PIP4K2A: variants seen among roughly 807,000 people sequenced by gnomAD.
PIP4K2A encodes phosphatidylinositol-5-phosphate 4-kinase type 2 alpha, also known as phosphatidylinositol 5-phosphate 4-kinase type-2 alpha.
PIP4K2A carries 14 observed loss-of-function variants against 42.9 expected under a neutral mutation model. That is an observed-to-expected ratio of 0.33 (90% CI 0.22 to 0.51). The LOEUF is 0.51. Among genes scored for constraint, PIP4K2A ranks in the 20% least tolerant of loss-of-function variants. The pLI, the probability that PIP4K2A is intolerant of heterozygous loss-of-function variation, is 0.97. For synonymous variants in PIP4K2A, 192 were observed against 192.2 expected (o/e 1.00, Z 0.01); for missense variants, 434 against 519.8 (o/e 0.83, Z 1.61).
At chr10:22,683,101 C>A (rs924880611) in intron 1 of PIP4K2A, among the ~76,000 whole-genome samples, 3 of 151,820 alleles carry the variant, frequency 2.0e-5, no homozygotes, top group Non-Finnish European at 2.9e-5. Flanking sequence ...ACAGCTGACA[C>A]GACAGTACAG....
chr10:22,689,392 C>T (rs952535383), intron 1 of PIP4K2A, among the ~76,000 whole-genome samples: 4 of 152,134 alleles, frequency 2.6e-5, no homozygotes, highest in Non-Finnish European at 5.9e-5. Flanking sequence ...GTTCCGCATC[C>T]GATGGAAAAT....
At chr10:22,713,209 G>A (rs1314294941) in intron 1 of PIP4K2A, among the ~76,000 whole-genome samples, 2 of 152,198 alleles carry the variant, frequency 1.3e-5, no homozygotes, top group Admixed American at 1.3e-4. Flanking sequence ...AGATCAGCAG[G>A]AGGCTATTTC....
At chr10:22,675,913 T>C (rs1839548327) in intron 1 of PIP4K2A, among the ~76,000 whole-genome samples, 1 of 152,232 alleles carries the variant, frequency 6.6e-6, no homozygotes, top group African/African-American at 2.4e-5. Flanking sequence ...CATAATTTAT[T>C]GCACATTTCC....
intron 6 of PIP4K2A, among the ~76,000 whole-genome samples, chr10:22,566,689 C>G (rs1482259501): frequency 6.6e-6 from 1 of 151,794 alleles, no homozygotes; most frequent in Non-Finnish European, 1.5e-5. Context: ...CACTCTGACT[C>G]TCATGCCCTT....
intron 1 of PIP4K2A, among the ~76,000 whole-genome samples, chr10:22,638,071 A>C (rs140185069): frequency 6.6e-6 from 1 of 152,292 alleles, no homozygotes; most frequent in African/African-American, 2.4e-5. Flanking sequence ...CCCAGGACCA[A>C]AGAACACAGT....
At chr10:22,607,731 C>T (rs1053849165) in intron 3 of PIP4K2A, 196 bp downstream of exon 3, 1 of 387,012 alleles carries the variant, frequency 2.6e-6, no homozygotes, top group Non-Finnish European at 4.7e-6. Flanking sequence ...GACTTTTATA[C>T]CGGTATCATA....
At chr10:22,555,835 GGAA>G (rs1394285637) in intron 6 of PIP4K2A, among the ~76,000 whole-genome samples, 3 of 151,414 alleles carry the variant, frequency 2.0e-5, no homozygotes, top group African/African-American at 2.4e-5. Flanking sequence ...GGGCCACACT[GGAA>G]GAAGAATTGT....
At chr10:22,681,789 C>T (rs890070117) in intron 1 of PIP4K2A, among the ~76,000 whole-genome samples, 8 of 145,940 alleles carry the variant, frequency 5.5e-5, no homozygotes, top group Admixed American at 6.7e-5. Flanking sequence ...CAGAAACTGA[C>T]TAACTTTCCC....
chr10:22,618,834 G>C (rs1778355), intron 1 of PIP4K2A, among the ~76,000 whole-genome samples: 65,040 of 152,016 alleles, frequency 0.43, 15,050 homozygotes, highest in African/African-American at 0.6. Context: ...CAGAATACTT[G>C]AAAGTTGTGT....
chr10:22,558,035 A>G (rs1836595704), intron 6 of PIP4K2A, among the ~76,000 whole-genome samples: 1 of 152,190 alleles, frequency 6.6e-6, no homozygotes, highest in African/African-American at 2.4e-5. Flanking sequence ...TTTTTGTTTG[A>G]TATGCTCATT....
At chr10:22,681,086 C>T (rs1340318484) in intron 1 of PIP4K2A, among the ~76,000 whole-genome samples, 1 of 152,178 alleles carries the variant, frequency 6.6e-6, no homozygotes, top group African/African-American at 2.4e-5. Flanking sequence ...CCCAGTGACT[C>T]CCCTAGAAAT....
At chr10:22,687,416 A>C (rs1038410780) in intron 1 of PIP4K2A, among the ~76,000 whole-genome samples, 14 of 152,144 alleles carry the variant, frequency 9.2e-5, no homozygotes, top group Admixed American at 8.5e-4. Context: ...AAAATAGCAG[A>C]TACAGAGGAT....
At chr10:22,564,116 T>C (rs1836777859) in intron 6 of PIP4K2A, among the ~76,000 whole-genome samples, 2 of 152,218 alleles carry the variant, frequency 1.3e-5, no homozygotes, top group Non-Finnish European at 1.5e-5. Context: ...GTTCATGCCC[T>C]GGGTTTCTGG....
At chr10:22,701,670 G>A (rs538039945) in intron 1 of PIP4K2A, among the ~76,000 whole-genome samples, 1 of 152,292 alleles carries the variant, frequency 6.6e-6, no homozygotes, top group South Asian at 2.1e-4. Context: ...CTGCTGACAG[G>A]GTTATTCAGG....
At chr10:22,655,157 G>C (rs1386091816) in intron 1 of PIP4K2A, among the ~76,000 whole-genome samples, 1 of 152,216 alleles carries the variant, frequency 6.6e-6, no homozygotes, top group Non-Finnish European at 1.5e-5. Context: ...CATACACAAG[G>C]TAAATTGATA....
At chr10:22,622,258 C>G (rs1483520831) in intron 1 of PIP4K2A, among the ~76,000 whole-genome samples, 1 of 152,204 alleles carries the variant, frequency 6.6e-6, no homozygotes, top group Non-Finnish European at 1.5e-5. Flanking sequence ...GCCATGTGCT[C>G]CCAGATGCTG....
At chr10:22,539,480 TATTA>T (rs1348825797) in intron 9 of PIP4K2A, 1 of 153,402 alleles carries the variant, frequency 6.5e-6, no homozygotes. Flanking sequence ...AGAAAAGAAA[TATTA>T]ATCCTGTATA....
At chr10:22,709,517 G>A (rs894634290) in intron 1 of PIP4K2A, among the ~76,000 whole-genome samples, 4 of 152,274 alleles carry the variant, frequency 2.6e-5, no homozygotes, top group Non-Finnish European at 5.9e-5. Flanking sequence ...CTGGTTGCCT[G>A]TATTTTCTAA....
intron 1 of PIP4K2A, among the ~76,000 whole-genome samples, chr10:22,623,602 T>C (rs1453467885): frequency 2.0e-5 from 3 of 152,066 alleles, no homozygotes; most frequent in Admixed American, 6.5e-5. Context: ...AGCTTAGAGG[T>C]TGGCGGTTGG....
Sources: gnomAD v4.1 joint callset for allele counts (sites outside exome capture counted in the v4.1 genomes callset) on GRCh38, gnomAD v4.1.1 for gene constraint, MANE v1.5 for transcripts, NCBI Gene and HGNC (gene_info 2026-07-23, HGNC 2026-07-21) for gene names.